The following SLC24A3 variants were observed in gnomAD, a reference collection of about 807,000 sequenced individuals.
SLC24A3 encodes the protein sodium/potassium/calcium exchanger 3.
In SLC24A3, 28 loss-of-function variants were observed where a neutral mutation model predicts 75.8. The ratio of observed to expected loss-of-function variants is 0.37; its 90% CI spans 0.27 to 0.51. SLC24A3 has a LOEUF of 0.51. SLC24A3 is among the 20% of genes least tolerant of loss of function. The pLI, the probability that SLC24A3 is intolerant of heterozygous loss-of-function variation, is 0.94. For missense variants in SLC24A3, 663 were observed against 847.8 expected, an observed-to-expected ratio of 0.78 and a Z score of 2.71; for synonymous variants, 372 against 334.1, an observed-to-expected ratio of 1.11 and a Z score of -1.24.
Position 19,266,761 on chromosome 20 carries a change from A to G in SLC24A3, c.143-14198A>G, listed in dbSNP as rs181642735. ...AAATACAAGTGTTCGGAGTATATCA[A>G]CAGAGCCTGAGGCAAGGCATATGTA... On this transcript the variant is annotated intron_variant, in intron 1 of 16. Coordinates refer to ENST00000328041, the MANE Select transcript of SLC24A3 (RefSeq NM_020689.4). Among the ~76,000 whole-genome samples, 20 of 152,374 alleles carry G rather than the reference A, an allele frequency of 1.3e-4. No homozygotes were observed. The East Asian group carries it at 3.1e-3, about 23-fold the overall frequency.
intron 2 of SLC24A3, among the ~76,000 whole-genome samples, chr20:19,483,236 C>A (rs1002598830): frequency 7.9e-5 from 12 of 152,152 alleles, no homozygotes; most frequent in African/African-American, 2.9e-4. Flanking sequence ...TTCCTCCTAC[C>A]CACCCTATCC....
intron 2 of SLC24A3, among the ~76,000 whole-genome samples, chr20:19,398,275 A>C (rs1986491587): frequency 6.6e-6 from 1 of 152,122 alleles, no homozygotes; most frequent in Non-Finnish European, 1.5e-5. Context: ...GGGAGAATTG[A>C]TATCTTAGTA....
chr20:19,537,767 C>T (rs2030424551), intron 3 of SLC24A3, among the ~76,000 whole-genome samples: 1 of 151,220 alleles, frequency 6.6e-6, no homozygotes, highest in East Asian at 2.0e-4. Context: ...TCTGAGCAAA[C>T]TATTGCAAGG....
intron 2 of SLC24A3, among the ~76,000 whole-genome samples, chr20:19,504,866 G>A (rs569674846): frequency 7.9e-5 from 12 of 152,322 alleles, no homozygotes; most frequent in South Asian, 6.2e-4. Flanking sequence ...AATGCATGCC[G>A]TAGGCTCTTG....
chr20:19,696,667 CAG>C (rs2032809979), intron 13 of SLC24A3, 128 bp from the exon 14 acceptor site: 1 of 642,618 alleles, frequency 1.6e-6, no homozygotes. Context: ...TGTATTGATA[CAG>C]AGAGCAGACA....
intron 1 of SLC24A3, among the ~76,000 whole-genome samples, chr20:19,224,669 T>C (rs1044728123): frequency 4.6e-5 from 7 of 152,234 alleles, no homozygotes; most frequent in African/African-American, 1.4e-4. Context: ...TTCACCATTA[T>C]CTGTTTCCTA....
chr20:19,358,172 G>T (rs889680805), intron 2 of SLC24A3, among the ~76,000 whole-genome samples: 1 of 152,134 alleles, frequency 6.6e-6, no homozygotes, highest in Non-Finnish European at 1.5e-5. Flanking sequence ...GTATTTTCCT[G>T]TCAAAAATCC....
rs544536945 is a variant in SLC24A3, at chr20:19,240,963, A to G, written c.142+27979A>G. Among the ~76,000 whole-genome samples the G allele has an allele frequency of 8.5e-5, 13 of 152,310 alleles. No individual in the cohort carries two copies. In the South Asian group the frequency reaches 2.3e-3, roughly 27 times the overall value. On this transcript the variant is annotated intron_variant, in intron 1 of 16. Transcript: ENST00000328041. Reference sequence around the variant, plus strand: ...GTGCATGGCCGGCAAGGGTATCTGCAGGCATTGGCAGCAAGTGCCACGCCT... The same window carrying G: ...GTGCATGGCCGGCAAGGGTATCTGCGGGCATTGGCAGCAAGTGCCACGCCT...
intron 1 of SLC24A3, among the ~76,000 whole-genome samples, chr20:19,262,404 C>CCAAAA (rs1983019226): frequency 1.3e-5 from 1 of 75,756 alleles, no homozygotes; most frequent in South Asian, 4.9e-4. Context: ...GACTCCGTCT[C>CCAAAA]AAAAAAAAAA....
At chr20:19,278,493 T>C (rs1446850066) in intron 1 of SLC24A3, among the ~76,000 whole-genome samples, 1 of 152,250 alleles carries the variant, frequency 6.6e-6, no homozygotes. Context: ...TTTCAGATTA[T>C]TTGTGATAAT....
intron 1 of SLC24A3, among the ~76,000 whole-genome samples, chr20:19,246,933 A>T (rs1276442581): frequency 1.1e-3 from 160 of 152,324 alleles, no homozygotes; most frequent in Admixed American, 1.8e-3. Context: ...AGAAATAATA[A>T]AAGCATTTCC....
chr20:19,446,701 C>T (rs1487891649), intron 2 of SLC24A3, among the ~76,000 whole-genome samples: 3 of 152,150 alleles, frequency 2.0e-5, no homozygotes, highest in Non-Finnish European at 4.4e-5. Flanking sequence ...TGCCACTAGC[C>T]AGCTGTGGGA....
chr20:19,648,578 C>T (rs929443997), intron 6 of SLC24A3, among the ~76,000 whole-genome samples: 28 of 150,196 alleles, frequency 1.9e-4, no homozygotes, highest in African/African-American at 4.2e-4. Flanking sequence ...ATTACAGATA[C>T]GCAATCTATC....
intron 2 of SLC24A3, among the ~76,000 whole-genome samples, chr20:19,348,409 T>C (rs1220469863): frequency 1.3e-5 from 2 of 152,208 alleles, no homozygotes; most frequent in Non-Finnish European, 2.9e-5. Context: ...GGCAGTGAAC[T>C]GTTGCTGAAT....
intron 2 of SLC24A3, among the ~76,000 whole-genome samples, chr20:19,403,304 T>G (rs1224865629): frequency 3.3e-5 from 5 of 152,244 alleles, no homozygotes; most frequent in Non-Finnish European, 7.3e-5. Context: ...TATTCATTAT[T>G]CCTTCAAGAA....
chr20:19,517,253 C>T (rs2030013167), intron 3 of SLC24A3, among the ~76,000 whole-genome samples: 1 of 152,164 alleles, frequency 6.6e-6, no homozygotes, highest in South Asian at 2.1e-4. Context: ...CCGTTAGCAT[C>T]CTGATGCTTT....
chr20:19,496,710 G>A (rs1289031205), intron 2 of SLC24A3, among the ~76,000 whole-genome samples: 3 of 152,148 alleles, frequency 2.0e-5, no homozygotes, highest in East Asian at 1.9e-4. Context: ...AGAAGGGCAC[G>A]GTGTCAAGCA....
intron 3 of SLC24A3, among the ~76,000 whole-genome samples, chr20:19,572,415 C>G (rs1168179872): frequency 6.6e-6 from 1 of 152,128 alleles, no homozygotes; most frequent in African/African-American, 2.4e-5. Flanking sequence ...TTCTGGGCAC[C>G]TGAAGCTTAA....
chr20:19,377,335 G>T (rs1386522874), intron 2 of SLC24A3, among the ~76,000 whole-genome samples: 1 of 152,186 alleles, frequency 6.6e-6, no homozygotes, highest in African/African-American at 2.4e-5. Context: ...ATGGTGGCGT[G>T]TTCAGACAAT....
Sources: gnomAD v4.1 joint callset for allele counts (sites outside exome capture counted in the v4.1 genomes callset) on GRCh38, gnomAD v4.1.1 for gene constraint, MANE v1.5 for transcripts, NCBI Gene and HGNC (gene_info 2026-07-23, HGNC 2026-07-21) for gene names.